The following COL5A2 variants were observed in gnomAD, a reference collection of about 807,000 sequenced individuals.
COL5A2 encodes the protein collagen alpha-2(V) chain.
In COL5A2, 23 loss-of-function variants were observed where a neutral mutation model predicts 208.2. The observed-to-expected ratio is 0.11, with a 90% CI of 0.08 to 0.16. The LOEUF is 0.16. COL5A2 is among the 10% of genes least tolerant of loss of function. COL5A2 has a pLI of 1.00. For synonymous variants in COL5A2, 625 were observed against 628.5 expected, an observed-to-expected ratio of 0.99 and a Z score of 0.08; for missense variants, 1,590 against 1,956.4, an observed-to-expected ratio of 0.81 and a Z score of 3.53.
the COL5A2 span, among the ~76,000 whole-genome samples, chr2:189,369,110 T>C: frequency 1.3e-5 from 2 of 152,140 alleles, no homozygotes; most frequent in Non-Finnish European, 2.9e-5. Flanking sequence ...TCAAATAAAA[T>C]AAAACATGAA....
At chr2:189,337,195 T>C in the COL5A2 span, among the ~76,000 whole-genome samples, 2 of 151,250 alleles carry the variant, frequency 1.3e-5, no homozygotes, top group African/African-American at 4.9e-5. Flanking sequence ...TTCTTTTTTT[T>C]TTTTTGAGAC....
chr2:189,057,267 C>G (rs997371730), intron 34 of COL5A2, 53 bp downstream of exon 34: 3 of 977,766 alleles, frequency 3.1e-6, no homozygotes, highest in Non-Finnish European at 1.4e-6. Flanking sequence ...TCATTTTCAG[C>G]AGAAAGTCTG....
chr2:189,113,316 C>A (rs1559110255), intron 1 of COL5A2, among the ~76,000 whole-genome samples: 1 of 152,172 alleles, frequency 6.6e-6, no homozygotes, highest in East Asian at 1.9e-4. Context: ...GTAGCTCCAG[C>A]TACTCCGAAG....
At chr2:189,301,000 A>T in the COL5A2 span, among the ~76,000 whole-genome samples, 8 of 152,190 alleles carry the variant, frequency 5.3e-5, no homozygotes, top group African/African-American at 1.9e-4. Flanking sequence ...CACACTGGGC[A>T]ACATGGAGGA....
chr2:189,383,877 C>G, the COL5A2 span, among the ~76,000 whole-genome samples: 1 of 151,986 alleles, frequency 6.6e-6, no homozygotes, highest in Non-Finnish European at 1.5e-5. Context: ...TATTTTTGTA[C>G]TCATTAACTA....
At chr2:189,251,770 T>A in the COL5A2 span, among the ~76,000 whole-genome samples, 1 of 151,622 alleles carries the variant, frequency 6.6e-6, no homozygotes, top group Non-Finnish European at 1.5e-5. Context: ...TGGGACCTAA[T>A]TAAACTAAAG....
rs991330532 is a variant in COL5A2 at position 189,068,240 on chromosome 2, C to T, written c.1288G>A (p.Ala430Thr). The part of the protein sequence containing the change: ...GAIGTDGTPG[A>T]KGPTGSPGTS... ...GCAGTACTCACCGTTGGGCCTTTGGCACCAGGAGTACCATCAGTTCCTATT... is the reference window on the plus strand; with the variant it reads ...GCAGTACTCACCGTTGGGCCTTTGGTACCAGGAGTACCATCAGTTCCTATT... The change falls in exon 20 of 54, where the codon GCC becomes ACC. Residue 430 changes from alanine to threonine, a missense_variant. By Grantham distance (58) the Ala-to-Thr change is moderately conservative. Transcript: ENST00000374866. 6.2e-7 allele frequency: 1 copy of T among 1,613,812 alleles called. No homozygotes were observed. The highest frequency in any genetic ancestry group is 8.5e-7 in the Non-Finnish European group (1 of 1,179,786).
At chr2:189,139,167 T>C (rs1287043648) in intron 1 of COL5A2, among the ~76,000 whole-genome samples, 1 of 152,136 alleles carries the variant, frequency 6.6e-6, no homozygotes, top group Non-Finnish European at 1.5e-5. Context: ...CCCAGCACTT[T>C]GGGAGGCCGA....
chr2:189,389,304 T>C, the COL5A2 span, among the ~76,000 whole-genome samples: 1 of 152,196 alleles, frequency 6.6e-6, no homozygotes, highest in South Asian at 2.1e-4. Context: ...GCCATAATTC[T>C]ATAAATTCCT....
At chr2:189,389,982 T>G in the COL5A2 span, among the ~76,000 whole-genome samples, 5 of 152,150 alleles carry the variant, frequency 3.3e-5, no homozygotes, top group South Asian at 1.0e-3. Context: ...TGTGAAGCAT[T>G]TTGTGAAAAC....
At chr2:189,069,003 G>A (rs1015512742) in intron 18 of COL5A2, 119 bp from the exon 19 acceptor site, 29 of 760,724 alleles carry the variant, frequency 3.8e-5, no homozygotes, top group Non-Finnish European at 6.2e-5. Flanking sequence ...AGGCCAAAGA[G>A]GATTACAAGA....
chr2:189,307,455 A>C, the COL5A2 span, among the ~76,000 whole-genome samples: 1 of 152,240 alleles, frequency 6.6e-6, no homozygotes, highest in African/African-American at 2.4e-5. Context: ...TTCAGTATAC[A>C]AAACAAAAAT....
At chr2:189,210,652 C>T (rs1234970447) in intron 1 of COL5A2, among the ~76,000 whole-genome samples, 1 of 152,058 alleles carries the variant, frequency 6.6e-6, no homozygotes, top group Non-Finnish European at 1.5e-5. Flanking sequence ...AACTTAATAC[C>T]AATGGAGAAA....
At chr2:189,092,534 G>A in intron 6 of COL5A2, 114 bp from the exon 7 acceptor site, 1 of 734,594 alleles carries the variant, frequency 1.4e-6, no homozygotes, top group East Asian at 2.7e-5. Flanking sequence ...AAAAATACAT[G>A]GCAATCTAGC....
chr2:189,152,463 A>G (rs937117135), intron 1 of COL5A2, among the ~76,000 whole-genome samples: 2 of 152,240 alleles, frequency 1.3e-5, no homozygotes, highest in African/African-American at 4.8e-5. Flanking sequence ...GTGAAAGCCA[A>G]CACACAATGT....
intron 1 of COL5A2, among the ~76,000 whole-genome samples, chr2:189,126,180 T>C (rs1016559699): frequency 2.4e-4 from 37 of 152,068 alleles, no homozygotes; most frequent in Admixed American, 2.4e-3. Context: ...AGCTTGTTCA[T>C]CTTAAGATTT....
At chr2:189,300,139 A>G in the COL5A2 span, among the ~76,000 whole-genome samples, 1 of 152,212 alleles carries the variant, frequency 6.6e-6, no homozygotes, top group African/African-American at 2.4e-5. Context: ...TGACCAAGTA[A>G]TAACACTTAC....
chr2:189,258,611 GT>G, the COL5A2 span, among the ~76,000 whole-genome samples: 4 of 152,302 alleles, frequency 2.6e-5, no homozygotes, highest in African/African-American at 9.6e-5. Flanking sequence ...ACTAAGTCCT[GT>G]CCTCAAAATG....
At chr2:189,275,363 T>C in the COL5A2 span, among the ~76,000 whole-genome samples, 3 of 151,970 alleles carry the variant, frequency 2.0e-5, no homozygotes, top group Non-Finnish European at 4.4e-5. Context: ...CATTTGGGCA[T>C]CTTTTTTCAA....
Sources: gnomAD v4.1 joint callset for allele counts (sites outside exome capture counted in the v4.1 genomes callset) on GRCh38, gnomAD v4.1.1 for gene constraint, MANE v1.5 for transcripts, NCBI Gene and HGNC (gene_info 2026-07-23, HGNC 2026-07-21) for gene names.